The following SMARCA2 variants were observed in gnomAD, a reference collection of about 807,000 sequenced individuals.
The protein encoded by SMARCA2 is SWI/SNF related BAF chromatin remodeling complex subunit ATPase 2, also known as SWI/SNF-related matrix-associated actin-dependent regulator of chromatin subfamily A member 2.
Under a neutral mutation model 199.8 loss-of-function variants are expected in SMARCA2, and 61 were observed. The ratio of observed to expected loss-of-function variants is 0.31; its 90% confidence interval spans 0.25 to 0.38. The LOEUF (loss-of-function observed/expected upper bound fraction) is 0.38. Among genes scored for constraint, SMARCA2 ranks in the 10% least tolerant of loss-of-function variants. The pLI, the probability that SMARCA2 is intolerant of heterozygous loss-of-function variation, is 1.00. For synonymous variants in SMARCA2, 935 were observed against 732.0 expected (o/e 1.28, Z -4.48); for missense variants, 1,344 against 2,012.2 (o/e 0.67, Z 6.35).
At chr9:2,180,086 A>C (rs986757627) in intron 29 of SMARCA2, among the ~76,000 whole-genome samples, 7 of 152,146 alleles carry the variant, frequency 4.6e-5, no homozygotes, top group African/African-American at 1.7e-4. Flanking sequence ...TCTCGAAGAG[A>C]TGTGAGGGGT....
At chr9:2,040,189 G>A (rs767140718) in intron 4 of SMARCA2, 96 of 606,064 alleles carry the variant, frequency 1.6e-4, no homozygotes, top group Non-Finnish European at 2.3e-4. Flanking sequence ...AAGGTTTCTT[G>A]GAAGCCCATC....
At chr9:2,185,953 TG>T in intron 31 of SMARCA2, 142 bp from the exon 32 acceptor site, 1 of 764,770 alleles carries the variant, frequency 1.3e-6, no homozygotes. Context: ...GTTTTGCTAC[TG>T]GGTTTTCATG....
chr9:2,144,603 C>G (rs1020440452), intron 27 of SMARCA2, among the ~76,000 whole-genome samples: 4 of 152,152 alleles, frequency 2.6e-5, no homozygotes, highest in Non-Finnish European at 5.9e-5. Flanking sequence ...AGGAGCTGCT[C>G]AGAAAGCACT....
In SMARCA2 at chr9:2,167,917, A is replaced by G. The variant is rs372663894; in HGVS notation, c.4200-2502A>G. On this transcript the variant is annotated intron_variant, in intron 28 of 33. Transcript: ENST00000349721. Reference sequence around the variant, plus strand: ...GTAGCTGGCCTGGGGAATTCAGGGAAGTAGGGGTCGTATGAGCCCCATTAT... The same window carrying G: ...GTAGCTGGCCTGGGGAATTCAGGGAGGTAGGGGTCGTATGAGCCCCATTAT... Among the ~76,000 whole-genome samples, 149 of 152,262 alleles carry G rather than the reference A, an allele frequency of 9.8e-4. No homozygotes were observed. The Middle Eastern group carries it at 0.01, about 10-fold the overall frequency.
chr9:2,138,752 A>T (rs1110316), intron 27 of SMARCA2, among the ~76,000 whole-genome samples: 24,994 of 151,960 alleles, frequency 0.16, 2,837 homozygotes, highest in East Asian at 0.43. Flanking sequence ...GAAATGGGGA[A>T]AGGGGTAGGG....
chr9:2,105,650 T>TC (rs1822721621), intron 23 of SMARCA2, among the ~76,000 whole-genome samples: 1 of 152,220 alleles, frequency 6.6e-6, no homozygotes, highest in Non-Finnish European at 1.5e-5. Flanking sequence ...GCACAGTTTT[T>TC]CTCTGTTGGC....
At chr9:2,158,679 C>A in intron 27 of SMARCA2, 1 of 354,972 alleles carries the variant, frequency 2.8e-6, no homozygotes, top group Admixed American at 4.6e-5. Flanking sequence ...ACCCCCCAGC[C>A]CCCAGCGCTG....
chr9:2,172,275 C>G (rs990019069), intron 29 of SMARCA2, among the ~76,000 whole-genome samples: 1 of 151,786 alleles, frequency 6.6e-6, no homozygotes, highest in Non-Finnish European at 1.5e-5. Flanking sequence ...ATTTAAAGCA[C>G]AATTGGAAAG....
At chr9:2,057,215 G>A (rs992571094) in intron 7 of SMARCA2, among the ~76,000 whole-genome samples, 16 of 152,206 alleles carry the variant, frequency 1.1e-4, no homozygotes, top group African/African-American at 3.9e-4. Context: ...GCATGGCTGG[G>A]CTCTGGTGAG....
intron 14 of SMARCA2, chr9:2,079,862 A>G (rs1821489217): frequency 6.6e-6 from 1 of 152,234 alleles, no homozygotes; most frequent in African/African-American, 2.4e-5. Flanking sequence ...TCTGTCATCC[A>G]ACACCCTTCT....
At chr9:2,028,935 T>C in intron 1 of SMARCA2, 52 bp from the exon 2 acceptor site, 1 of 1,391,764 alleles carries the variant, frequency 7.2e-7, no homozygotes, top group Non-Finnish European at 9.8e-7. Flanking sequence ...TTTATTCTGG[T>C]CTTAACATCA....
At position 2,170,573 on chromosome 9, in the gene SMARCA2, C is replaced by A. The variant is rs139299022; in HGVS notation, c.4253+101C>A. ...ATCGGCCTTTGGAAGCAAATTTCTT[C>A]GGTCACCTCCTGATCACCCCTACTT... On this transcript the variant is annotated intron_variant, in intron 29 of 33. Transcript: ENST00000349721. This position sits in a 1 kb window ranked among gnomAD's most constrained non-coding sequence, Gnocchi z 4.7. The A allele has an allele frequency of 3.8e-6, 6 of 1,583,424 alleles. No homozygotes were observed. Among genetic ancestry groups the A allele is most frequent in the Non-Finnish European group, 5.2e-6 (6 of 1,159,376 alleles).
chr9:2,122,901 G>T lies in SMARCA2; in HGVS notation c.3763-818G>T, dbSNP rs114514640. 6.8e-3 allele frequency among the ~76,000 whole-genome samples: 1,029 copies of T among 152,270 alleles called. 7 individuals are homozygous for T. The highest frequency in any genetic ancestry group is 0.024 in the African/African-American group (987 of 41,550). ...TCGTATTGTTTAGTTATAGATTAAA[G>T]CCAAGTGTGTGGCCCTTAGTTTATT... On this transcript the variant is annotated intron_variant, in intron 26 of 33. Coordinates refer to ENST00000349721, the MANE Select transcript of SMARCA2 (RefSeq NM_003070.5).
rs72687580 is a variant in SMARCA2, at chr9:2,037,502, A to C, written c.356-1964A>C. On this transcript the variant is annotated intron_variant, in intron 3 of 33. Transcript: ENST00000349721. ...ATTCTTGGTTTAGGGGATCACGCTA[A>C]ATCTGCCTCCCTCTCCAAATGACAA... is the stretch of plus-strand genomic sequence containing the variant. 9.5e-3 allele frequency among the ~76,000 whole-genome samples: 1,443 copies of C among 152,298 alleles called. 15 individuals carry two copies. The highest frequency in any genetic ancestry group is 0.016 in the Non-Finnish European group (1,079 of 68,014).
chr9:2,104,283 A>G lies in SMARCA2; in HGVS notation c.3292+114A>G, dbSNP rs1586709170. The G allele has an allele frequency of 1.0e-6, 1 of 964,844 alleles. No individual in the cohort carries two copies. Among genetic ancestry groups the G allele is most frequent in the African/African-American group, 1.6e-5 (1 of 60,824 alleles). The allele number at this position is 964,844 out of a possible 1,614,324, so 59.8% of individuals were successfully genotyped here. The stretch of plus-strand genomic sequence containing the variant: ...GGGGTAAAATTGAAGAATTGACTAG[A>G]AGCATTGGGAGCAGTTTTTCTAGAT... On this transcript the variant is annotated intron_variant, in intron 23 of 33. Transcript: ENST00000349721. This position sits in a 1 kb window ranked among gnomAD's most constrained non-coding sequence, Gnocchi z 4.0.
intron 19 of SMARCA2, among the ~76,000 whole-genome samples, chr9:2,093,958 T>C (rs1000251622): frequency 1.3e-5 from 2 of 152,234 alleles, no homozygotes; most frequent in African/African-American, 4.8e-5. Context: ...GCATGTCTTC[T>C]TGTTTTTCTT....
chr9:2,155,720 CTTTTTTTTTTTTTTTTTTTTTTTTT>C (rs59156319), intron 27 of SMARCA2, among the ~76,000 whole-genome samples: 93 of 53,194 alleles, frequency 1.7e-3, no homozygotes, highest in Middle Eastern at 0.02. Flanking sequence ...AAGAGAAAAC[CTTTTTTTTTTTTTTTTTTTTTTTTT>C]TTTTTTTTTT....
At chr9:2,166,256 C>T (rs1825925471) in intron 28 of SMARCA2, among the ~76,000 whole-genome samples, 2 of 152,088 alleles carry the variant, frequency 1.3e-5, no homozygotes, top group African/African-American at 4.8e-5. Context: ...AACATGGCGC[C>T]CAGAACTCCA....
At chr9:2,151,897 GACC>G (rs1825100259) in intron 27 of SMARCA2, among the ~76,000 whole-genome samples, 1 of 152,112 alleles carries the variant, frequency 6.6e-6, no homozygotes, top group African/African-American at 2.4e-5. Context: ...TTAGTTGGAA[GACC>G]ATAATGATTT....
Sources: gnomAD v4.1 joint callset for allele counts (sites outside exome capture counted in the v4.1 genomes callset) on GRCh38, gnomAD v4.1.1 for gene constraint, Gnocchi (gnomAD v3.1) non-coding constraint, MANE v1.5 for transcripts, NCBI Gene and HGNC (gene_info 2026-07-23, HGNC 2026-07-21) for gene names.